Variants in ADGRD1 observed in about 807,000 individuals in gnomAD.
ADGRD1 encodes the protein adhesion G protein-coupled receptor D1, also known as G-protein coupled receptor 133.
A neutral mutation model predicts 113.4 loss-of-function variants in ADGRD1; 77 were observed. The ratio of observed to expected loss-of-function variants is 0.68; its 90% confidence interval spans 0.57 to 0.82. The LOEUF (loss-of-function observed/expected upper bound fraction) is 0.82, where lower values mean the gene tolerates loss of function less well. ADGRD1 is among the 40% of genes least tolerant of loss of function. The pLI, the probability that ADGRD1 is intolerant of heterozygous loss-of-function variation, is 0.00. For missense variants in ADGRD1, 1,036 were observed against 1,139.1 expected, an observed-to-expected ratio of 0.91 and a Z score of 1.30; for synonymous variants, 474 against 475.0, an observed-to-expected ratio of 1.00 and a Z score of 0.03.
At position 131,022,333 on chromosome 12, in the gene ADGRD1, A is replaced by G. The variant is rs1879416414; in HGVS notation, c.1473+7993A>G. 6.6e-6 allele frequency among the ~76,000 whole-genome samples: 1 copy of G among 152,176 alleles called. No homozygotes were observed. The highest frequency in any genetic ancestry group is 1.5e-5 in the Non-Finnish European group (1 of 68,028). ...GGTGGTGGGGAGATACCGTGAAACT[A>G]CACAACCTTCCTTCAGCTCATCTTC... On this transcript the variant is annotated intron_variant, in intron 13 of 24. Coordinates refer to ENST00000261654, the MANE Select transcript of ADGRD1 (RefSeq NM_198827.5). This position sits in a 1 kb window ranked among gnomAD's most constrained non-coding sequence, Gnocchi z 4.6.
At chr12:130,973,202 T>C (rs1025565163) in intron 4 of ADGRD1, 1 of 152,182 alleles carries the variant, frequency 6.6e-6, no homozygotes, top group African/African-American at 2.4e-5. Flanking sequence ...TCTTCAATAA[T>C]CTTCAGGTCG....
chr12:130,965,652 A>T lies in ADGRD1; in HGVS notation c.104-811A>T, dbSNP rs1194483423. Among the ~76,000 whole-genome samples the T allele has an allele frequency of 6.6e-6, 1 of 152,264 alleles. No individual in the cohort carries two copies. The highest frequency in any genetic ancestry group is 2.4e-5 in the African/African-American group (1 of 41,476). On this transcript the variant is annotated intron_variant, in intron 2 of 24. Coordinates refer to ENST00000261654, the MANE Select transcript of ADGRD1 (RefSeq NM_198827.5). This position sits in a 1 kb window ranked among gnomAD's most constrained non-coding sequence, Gnocchi z 4.8. ...ATAACATGTTATGGGGCAGCCACTC[A>T]AGAGACTGTTACCCAAACTCAATTA... is the stretch of plus-strand genomic sequence containing the variant.
At position 130,971,562 on chromosome 12, in the gene ADGRD1, G is replaced by C; in HGVS notation, c.292G>C (p.Glu98Gln). Residue 98 changes from glutamate to glutamine, a missense_variant, in exon 4 of 25, where the codon GAG becomes CAG. By Grantham distance (29) the Glu-to-Gln change is conservative. Transcript: ENST00000261654. This position sits in a 1 kb window ranked among gnomAD's most constrained non-coding sequence, Gnocchi z 4.2. ...RYNSSCISKPEQCGPEGVTFS... is the reference protein window; with the variant it reads ...RYNSSCISKPQQCGPEGVTFS... Reference sequence around the variant, plus strand: ...CAACAGCTCCTGCATCAGCAAGCCAGAGCAGTGTGGCCCTGAAGGTGAGTG... The same window carrying C: ...CAACAGCTCCTGCATCAGCAAGCCACAGCAGTGTGGCCCTGAAGGTGAGTG... 1.2e-6 allele frequency: 2 copies of C among 1,612,214 alleles called. No individual in the cohort carries two copies. The highest frequency in any genetic ancestry group is 1.7e-6 in the Non-Finnish European group (2 of 1,179,162).
At chr12:131,042,918 A>G (rs1223276945) in intron 13 of ADGRD1, among the ~76,000 whole-genome samples, 1 of 152,254 alleles carries the variant, frequency 6.6e-6, no homozygotes, top group African/African-American at 2.4e-5. Flanking sequence ...CGCATTCCCC[A>G]GTGGTAACTG....
chr12:130,984,260 G>C lies in ADGRD1; in HGVS notation c.490+2197G>C, dbSNP rs1057144038. ...ATTTCTTTTGGAAATAAAAAGACTGGCAAGGCAGGCTCTTCATCTCTCATG... is the reference window on the plus strand; with the variant it reads ...ATTTCTTTTGGAAATAAAAAGACTGCCAAGGCAGGCTCTTCATCTCTCATG... On this transcript the variant is annotated intron_variant, in intron 5 of 24. Coordinates refer to ENST00000261654, the MANE Select transcript of ADGRD1 (RefSeq NM_198827.5). The surrounding 1 kb of genome is among the most constrained non-coding windows in gnomAD (Gnocchi z 4.1). Among the ~76,000 whole-genome samples, 2 of 152,182 alleles carry C rather than the reference G, an allele frequency of 1.3e-5. No homozygotes were observed. Among genetic ancestry groups the C allele is most frequent in the Non-Finnish European group, 2.9e-5 (2 of 68,032 alleles).
In ADGRD1 at chr12:130,968,674, C is replaced by G. The variant is rs889624317; in HGVS notation, c.187+2128C>G. The G allele has an allele frequency of 1.6e-5, 6 of 371,558 alleles. No individual in the cohort carries two copies. The East Asian group carries it at 3.4e-4, about 21-fold the overall frequency. The allele number at this position is 371,558 out of a possible 1,614,324, so 23.0% of individuals were successfully genotyped here. ...AGTGGCCAAGTTCAATTTCATATCT[C>G]TCAACTAAGTATCTGCCTATGTGTT... On this transcript the variant is annotated intron_variant, in intron 3 of 24. Coordinates refer to ENST00000261654, the MANE Select transcript of ADGRD1 (RefSeq NM_198827.5).
At chr12:131,051,442 C>T (rs1883374723) in intron 13 of ADGRD1, among the ~76,000 whole-genome samples, 1 of 151,430 alleles carries the variant, frequency 6.6e-6, no homozygotes, top group Non-Finnish European at 1.5e-5. Flanking sequence ...GGAGAAGATC[C>T]TTGAGAGAGC....
intron 3 of ADGRD1, chr12:130,970,119 T>A (rs980654529): frequency 6.6e-6 from 1 of 152,240 alleles, no homozygotes; most frequent in Non-Finnish European, 1.5e-5. Context: ...AATTATTGTC[T>A]TATCTGATAA....
chr12:131,009,649 T>C (rs1034301096), intron 12 of ADGRD1, among the ~76,000 whole-genome samples: 4 of 152,168 alleles, frequency 2.6e-5, no homozygotes, highest in Non-Finnish European at 5.9e-5. Flanking sequence ...TGTATTTGTG[T>C]GTTGTGTGTG....
At chr12:130,977,242 T>C (rs1872428338) in intron 4 of ADGRD1, 1 of 152,198 alleles carries the variant, frequency 6.6e-6, no homozygotes, top group Non-Finnish European at 1.5e-5. Flanking sequence ...TGGTGGCCAT[T>C]CCCCAGGATG....
intron 11 of ADGRD1, among the ~76,000 whole-genome samples, chr12:131,005,409 G>A (rs1044140577): frequency 6.6e-6 from 1 of 152,218 alleles, no homozygotes; most frequent in African/African-American, 2.4e-5. Flanking sequence ...AATAGCAAAA[G>A]CACATGTGAC....
chr12:130,962,666 C>G (rs1870498486), intron 2 of ADGRD1: 1 of 152,216 alleles, frequency 6.6e-6, no homozygotes, highest in Non-Finnish European at 1.5e-5. Flanking sequence ...TGGAAATCAA[C>G]TGAAGTCAGG....
chr12:131,001,823 C>A (rs532702038), intron 9 of ADGRD1, among the ~76,000 whole-genome samples: 50 of 152,292 alleles, frequency 3.3e-4, no homozygotes, highest in African/African-American at 1.0e-3. Context: ...AACCACACCA[C>A]CATGATATTA....
intron 4 of ADGRD1, chr12:130,978,326 C>T (rs1452203282): frequency 6.6e-6 from 1 of 152,034 alleles, no homozygotes; most frequent in Non-Finnish European, 1.5e-5. Flanking sequence ...CTTATGACTC[C>T]TAGATTTTTA....
intron 21 of ADGRD1, among the ~76,000 whole-genome samples, chr12:131,133,170 A>G (rs559600534): frequency 6.6e-6 from 1 of 151,720 alleles, no homozygotes; most frequent in South Asian, 2.1e-4. Context: ...TCCCTTCCTC[A>G]CCCCAGCCCT....
At chr12:131,130,819 C>T (rs1950902910) in intron 20 of ADGRD1, among the ~76,000 whole-genome samples, 1 of 152,100 alleles carries the variant, frequency 6.6e-6, no homozygotes, top group Non-Finnish European at 1.5e-5. Context: ...CTGCAGCTCC[C>T]TTCAGAGACT....
chr12:131,112,128 C>G (rs370372339), intron 18 of ADGRD1, among the ~76,000 whole-genome samples: 15 of 144,680 alleles, frequency 1.0e-4, no homozygotes, highest in African/African-American at 3.4e-4. Flanking sequence ...AGTAACTTGG[C>G]TGGACTATTT....
chr12:131,132,338 G>A (rs1352510721), intron 21 of ADGRD1, among the ~76,000 whole-genome samples: 1 of 152,178 alleles, frequency 6.6e-6, no homozygotes, highest in African/African-American at 2.4e-5. Flanking sequence ...CTCTGGGAGG[G>A]ATTCCAGCCA....
At chr12:130,973,552 G>A (rs1404966660) in intron 4 of ADGRD1, among the ~76,000 whole-genome samples, 1 of 152,182 alleles carries the variant, frequency 6.6e-6, no homozygotes, top group Non-Finnish European at 1.5e-5. Context: ...ACGGGCCGTT[G>A]TGGTTGAACT....
Sources: allele counts gnomAD v4.1 joint callset (sites outside exome capture counted in the v4.1 genomes callset), GRCh38; gene constraint gnomAD v4.1.1; non-coding constraint Gnocchi (gnomAD v3.1); transcripts MANE v1.5; gene names NCBI Gene and HGNC (gene_info 2026-07-23, HGNC 2026-07-21).